The following IGF1R variants were observed in gnomAD, a reference collection of about 807,000 sequenced individuals.
IGF1R encodes the protein insulin like growth factor 1 receptor, also known as insulin-like growth factor 1 receptor.
Under a neutral mutation model 144.6 loss-of-function variants are expected in IGF1R, and 44 were observed. The ratio of observed to expected loss-of-function variants is 0.30; its 90% CI spans 0.24 to 0.39. The LOEUF (loss-of-function observed/expected upper bound fraction) is 0.39, where lower values mean the gene tolerates loss of function less well. Among genes scored for constraint, IGF1R ranks in the 10% least tolerant of loss-of-function variants. The pLI is 1.00. For synonymous variants in IGF1R, 795 were observed against 722.8 expected, an observed-to-expected ratio of 1.10 and a Z score of -1.60; for missense variants, 1,355 against 1,833.7, an observed-to-expected ratio of 0.74 and a Z score of 4.77.
At chr15:98,686,705 T>C (rs998081152) in intron 1 of IGF1R, among the ~76,000 whole-genome samples, 2 of 151,702 alleles carry the variant, frequency 1.3e-5, no homozygotes, top group African/African-American at 2.4e-5. Context: ...GGATCTCACA[T>C]TGTTGTCCAG....
intron 20 of IGF1R, among the ~76,000 whole-genome samples, chr15:98,951,554 G>A (rs368530090): frequency 6.6e-6 from 1 of 152,244 alleles, no homozygotes. Context: ...ACGCAGGAGC[G>A]GCATAGCTGG....
At chr15:98,736,093 C>G (rs575411791) in intron 2 of IGF1R, among the ~76,000 whole-genome samples, 42 of 152,248 alleles carry the variant, frequency 2.8e-4, no homozygotes, top group African/African-American at 9.6e-4. Context: ...AAAAGAAAAA[C>G]AATCCAACCA....
intron 1 of IGF1R, among the ~76,000 whole-genome samples, chr15:98,696,026 C>CTTTTTTTTTTTT (rs11306652): frequency 8.6e-6 from 1 of 115,700 alleles, no homozygotes; most frequent in Admixed American, 8.7e-5. Flanking sequence ...ACTTTTTCTT[C>CTTTTTTTTTTTT]TTTTTTTTTT....
intron 2 of IGF1R, among the ~76,000 whole-genome samples, chr15:98,710,017 C>T (rs1487741271): frequency 2.6e-5 from 4 of 152,122 alleles, no homozygotes; most frequent in African/African-American, 9.7e-5. Flanking sequence ...TTTAAATTGC[C>T]TGGGCCTTGG....
intron 1 of IGF1R, among the ~76,000 whole-genome samples, chr15:98,688,281 TC>T (rs1185060808): frequency 6.8e-6 from 1 of 147,626 alleles, no homozygotes; most frequent in Admixed American, 6.7e-5. Context: ...TCCTGTTTTC[TC>T]CCCCGCCCCT....
At chr15:98,814,640 G>A (rs1194215480) in intron 2 of IGF1R, among the ~76,000 whole-genome samples, 1 of 152,192 alleles carries the variant, frequency 6.6e-6, no homozygotes, top group East Asian at 1.9e-4. Context: ...GAGCCACTGT[G>A]CCCAGCCTGT....
chr15:98,664,837 CA>C (rs1316812797), intron 1 of IGF1R, among the ~76,000 whole-genome samples: 1 of 151,250 alleles, frequency 6.6e-6, no homozygotes, highest in Non-Finnish European at 1.5e-5. Flanking sequence ...AGGAAATACG[CA>C]TTAGAAGTTA....
intron 1 of IGF1R, chr15:98,650,925 C>A: frequency 3.0e-6 from 3 of 984,400 alleles, no homozygotes; most frequent in South Asian, 4.7e-5. Flanking sequence ...AGCGAGAACT[C>A]CCCCCGGTGT....
chr15:98,899,866 G>T (rs1164420218), intron 5 of IGF1R, among the ~76,000 whole-genome samples: 1 of 152,186 alleles, frequency 6.6e-6, no homozygotes, highest in Non-Finnish European at 1.5e-5. Flanking sequence ...TCAGTCAAGG[G>T]TTGCGTGTCT....
chr15:98,882,218 T>C (rs1195203823), intron 2 of IGF1R, among the ~76,000 whole-genome samples: 1 of 152,220 alleles, frequency 6.6e-6, no homozygotes, highest in Non-Finnish European at 1.5e-5. Flanking sequence ...CATCTTGGAA[T>C]ATTGTTTGAA....
chr15:98,690,046 C>T (rs995093731), intron 1 of IGF1R, among the ~76,000 whole-genome samples: 3 of 152,072 alleles, frequency 2.0e-5, no homozygotes, highest in Non-Finnish European at 4.4e-5. Flanking sequence ...TGATAATGAC[C>T]TAAAAACATG....
In IGF1R at chr15:98,916,680, C is replaced by G; in HGVS notation, c.2005C>G (p.Pro669Ala). 6.2e-7 allele frequency: 1 copy of G among 1,613,992 alleles called. No homozygotes were observed. The highest frequency in any genetic ancestry group is 1.1e-5 in the South Asian group (1 of 91,056). The change falls in exon 10 of 21, where the codon CCC becomes GCC. Residue 669 changes from proline to alanine, a missense_variant. Physicochemically the swap from Pro to Ala is conservative, Grantham distance 27. Coordinates refer to ENST00000650285, the MANE Select transcript of IGF1R (RefSeq NM_000875.5). The part of the protein sequence containing the change: ...RHNYCSKDKI[P>A]IRKYADGTID... ...TTTTCTTTTCCGAGAAGACAAAATC[C>G]CCATCAGGAAGTATGCCGACGGCAC...
In IGF1R at chr15:98,963,319, A is replaced by G. The variant is rs978156469; in HGVS notation, c.*5877A>G. The stretch of plus-strand genomic sequence containing the variant: ...CCGTGGTTCACCCTCTTTTCCCCCC[A>G]TGCTTTTTGCCCTAGTTTATAACAA... On this transcript the variant is annotated 3_prime_UTR_variant, in exon 21 of 21. Coordinates refer to ENST00000650285, the MANE Select transcript of IGF1R (RefSeq NM_000875.5). The G allele has an allele frequency of 3.0e-5, 7 of 231,934 alleles. No individual in the cohort carries two copies. The Admixed American group carries it at 4.0e-4, about 13-fold the overall frequency. The allele number at this position is 231,934 out of a possible 1,614,324, so 14.4% of individuals were successfully genotyped here.
intron 18 of IGF1R, among the ~76,000 whole-genome samples, chr15:98,942,252 C>T (rs2016391037): frequency 6.6e-6 from 1 of 152,132 alleles, no homozygotes; most frequent in Admixed American, 6.5e-5. Context: ...GGTTTTAAAA[C>T]CATGTGTAAA....
At position 98,848,256 on chromosome 15, in the gene IGF1R, G is replaced by C. The variant is rs145549746; in HGVS notation, c.641-43069G>C. Among the ~76,000 whole-genome samples the C allele has an allele frequency of 2.3e-3, 356 of 152,342 alleles. 3 individuals carry two copies. The highest frequency in any genetic ancestry group is 7.3e-3 in the African/African-American group (305 of 41,558). On this transcript the variant is annotated intron_variant, in intron 2 of 20. Coordinates refer to ENST00000650285, the MANE Select transcript of IGF1R (RefSeq NM_000875.5). ...CATATCTTTCAAACATATGGCTGTGGAAGAGGAAACTTGTTTTTGACTTGT... is the reference window on the plus strand; with the variant it reads ...CATATCTTTCAAACATATGGCTGTGCAAGAGGAAACTTGTTTTTGACTTGT...
chr15:98,756,745 C>G (rs2047273339), intron 2 of IGF1R, among the ~76,000 whole-genome samples: 1 of 152,102 alleles, frequency 6.6e-6, no homozygotes, highest in Admixed American at 6.5e-5. Context: ...GCATTTAAGG[C>G]TATACATTTT....
intron 1 of IGF1R, among the ~76,000 whole-genome samples, chr15:98,683,930 C>G (rs2053255652): frequency 1.3e-5 from 2 of 152,064 alleles, no homozygotes; most frequent in African/African-American, 2.4e-5. Context: ...TGTGAGTGTC[C>G]TAATCACCTG....
In IGF1R at chr15:98,704,164, T is replaced by G. The variant is rs562569103; in HGVS notation, c.95-3398T>G. Among the ~76,000 whole-genome samples, 1 of 152,294 alleles carries G rather than the reference T, an allele frequency of 6.6e-6. No individual in the cohort carries two copies. Among genetic ancestry groups the G allele is most frequent in the East Asian group, 1.9e-4 (1 of 5,190 alleles). ...CCACAAAGGGTAATAAAATGGTTCG[T>G]TGTATACAAACTTTGTTTCATGCAC... On this transcript the variant is annotated intron_variant, in intron 1 of 20. Coordinates refer to ENST00000650285, the MANE Select transcript of IGF1R (RefSeq NM_000875.5). The surrounding 1 kb of genome is among the most constrained non-coding windows in gnomAD (Gnocchi z 4.9).
chr15:98,830,469 C>T (rs1282856798), intron 2 of IGF1R, among the ~76,000 whole-genome samples: 4 of 152,198 alleles, frequency 2.6e-5, no homozygotes, highest in Admixed American at 1.3e-4. Flanking sequence ...ATCTTGAAAT[C>T]TGTCATCAGT....
Sources: gnomAD v4.1 joint callset for allele counts (sites outside exome capture counted in the v4.1 genomes callset) on GRCh38, gnomAD v4.1.1 for gene constraint, Gnocchi (gnomAD v3.1) non-coding constraint, MANE v1.5 for transcripts, NCBI Gene and HGNC (gene_info 2026-07-23, HGNC 2026-07-21) for gene names.